The following PCSK5 variants were observed in gnomAD, a reference collection of about 807,000 sequenced individuals.
PCSK5 encodes prohormone convertase 5.
PCSK5 carries 129 observed loss-of-function variants against 233.2 expected under a neutral mutation model. That is an observed-to-expected ratio of 0.55 (90% CI 0.48 to 0.64). The LOEUF (loss-of-function observed/expected upper bound fraction) is 0.64. Among genes scored for constraint, PCSK5 ranks in the 30% least tolerant of loss-of-function variants. The probability of loss-of-function intolerance (pLI) is 0.00; values close to 1 mark genes in which losing one functional copy is unlikely to be tolerated. For missense variants in PCSK5, 2,076 were observed against 2,430.1 expected, an observed-to-expected ratio of 0.85 and a Z score of 3.06; for synonymous variants, 825 against 879.2, an observed-to-expected ratio of 0.94 and a Z score of 1.09.
intron 21 of PCSK5, 50 bp downstream of exon 21, chr9:76,227,655 G>T: frequency 1.7e-6 from 2 of 1,196,188 alleles, no homozygotes; most frequent in Non-Finnish European, 2.5e-6. Flanking sequence ...TGGATTGCAG[G>T]GTGGAGAGAG....
intron 20 of PCSK5, among the ~76,000 whole-genome samples, chr9:76,216,371 T>A (rs1319882116): frequency 6.6e-6 from 1 of 152,196 alleles, no homozygotes; most frequent in Non-Finnish European, 1.5e-5. Context: ...AAGCATCCTC[T>A]CATGATGTTA....
intron 11 of PCSK5, among the ~76,000 whole-genome samples, 158 bp downstream of exon 11, chr9:76,157,320 A>G (rs1013584790): frequency 6.6e-6 from 1 of 152,140 alleles, no homozygotes; most frequent in African/African-American, 2.4e-5. Context: ...TAGGATTCTG[A>G]GCGGTTAAAT....
At chr9:76,142,540 A>G (rs1166585850) in intron 10 of PCSK5, among the ~76,000 whole-genome samples, 1 of 152,176 alleles carries the variant, frequency 6.6e-6, no homozygotes, top group Non-Finnish European at 1.5e-5. Context: ...GGAAAATTGT[A>G]TCATATAAAG....
chr9:75,909,554 G>C (rs1822631860), intron 1 of PCSK5, among the ~76,000 whole-genome samples: 1 of 152,032 alleles, frequency 6.6e-6, no homozygotes, highest in Admixed American at 6.5e-5. Context: ...AATTATCCAG[G>C]TGTGGTGGTG....
At chr9:76,067,584 T>A (rs1830329409) in intron 5 of PCSK5, among the ~76,000 whole-genome samples, 1 of 152,144 alleles carries the variant, frequency 6.6e-6, no homozygotes, top group African/African-American at 2.4e-5. Flanking sequence ...TAAGCTTAAA[T>A]AAAAAATTGA....
At chr9:76,257,190 C>T (rs1290695906) in intron 24 of PCSK5, among the ~76,000 whole-genome samples, 3 of 152,124 alleles carry the variant, frequency 2.0e-5, no homozygotes, top group Non-Finnish European at 4.4e-5. Flanking sequence ...ACTTCTGTGC[C>T]TGTTATTATC....
At chr9:76,088,678 A>G (rs116661899) in intron 7 of PCSK5, among the ~76,000 whole-genome samples, 2,082 of 152,316 alleles carry the variant, frequency 0.014, 51 homozygotes, top group African/African-American at 0.048. Flanking sequence ...ACTGATTGAA[A>G]AAACAAGTCT....
At chr9:75,891,563 A>ACC (rs199501448) in intron 1 of PCSK5, among the ~76,000 whole-genome samples, 190 bp downstream of exon 1, 2 of 121,372 alleles carry the variant, frequency 1.6e-5, no homozygotes, top group African/African-American at 6.3e-5. Context: ...ACACACACAC[A>ACC]CCCCAGAGTT....
At chr9:75,984,423 A>T (rs1351084934) in intron 2 of PCSK5, among the ~76,000 whole-genome samples, 1 of 152,206 alleles carries the variant, frequency 6.6e-6, no homozygotes, top group Non-Finnish European at 1.5e-5. Flanking sequence ...TGAATGCTTC[A>T]TTAGGAAAGG....
chr9:76,279,390 T>C (rs1026577715), intron 24 of PCSK5, among the ~76,000 whole-genome samples: 1 of 150,598 alleles, frequency 6.6e-6, no homozygotes, highest in Non-Finnish European at 1.5e-5. Context: ...CATGTGTCTT[T>C]ACAGCAGCAT....
chr9:75,902,214 TAAAAAAAAAAAAAAAAA>T (rs200579439), intron 1 of PCSK5, among the ~76,000 whole-genome samples: 6 of 53,300 alleles, frequency 1.1e-4, no homozygotes, highest in East Asian at 7.5e-4. Context: ...AGACACCATC[TAAAAAAAAAAAAAAAAA>T]AAAAAAAAAA....
intron 15 of PCSK5, among the ~76,000 whole-genome samples, chr9:76,180,337 C>T (rs1587725382): frequency 6.6e-6 from 1 of 152,076 alleles, no homozygotes; most frequent in Non-Finnish European, 1.5e-5. Context: ...GTCCTTTCCA[C>T]CCCACTGATG....
chr9:75,914,887 T>G (rs2131240688), intron 1 of PCSK5, among the ~76,000 whole-genome samples: 1 of 152,298 alleles, frequency 6.6e-6, no homozygotes, highest in African/African-American at 2.4e-5. Flanking sequence ...TTTCCCCTAC[T>G]TCTGTGAAAA....
chr9:76,105,698 A>C (rs541207014), intron 8 of PCSK5, among the ~76,000 whole-genome samples: 1 of 152,316 alleles, frequency 6.6e-6, no homozygotes, highest in African/African-American at 2.4e-5. Context: ...TCATTCATTC[A>C]GGAAAACGTA....
intron 5 of PCSK5, among the ~76,000 whole-genome samples, chr9:76,055,158 C>T (rs1052351463): frequency 6.6e-6 from 1 of 152,050 alleles, no homozygotes; most frequent in Non-Finnish European, 1.5e-5. Context: ...TTTAAAAGTT[C>T]ATGCTTAAGA....
chr9:76,175,120 G>A lies in PCSK5; in HGVS notation c.1891G>A (p.Asp631Asn), dbSNP rs759423231. ...CCCCACAGACGACTATGGCACAGAG[G>A]ATTATGCAGGTGAGCTGGCTTCCAG... ...EDPTDDYGTE[D>N]YAGPCDPECS... The change falls in exon 14 of 38, where the codon GAT becomes AAT. Residue 631 changes from aspartate (D) to asparagine (N), a missense_variant. Coordinates refer to ENST00000674117, the MANE Select transcript of PCSK5 (RefSeq NM_001372043.1). The A allele has an allele frequency of 6.2e-7, 1 of 1,613,938 alleles. No homozygotes were observed. Among genetic ancestry groups the A allele is most frequent in the Admixed American group, 1.7e-5 (1 of 59,992 alleles).
chr9:75,923,586 CT>C, intron 1 of PCSK5, among the ~76,000 whole-genome samples: 1 of 152,266 alleles, frequency 6.6e-6, no homozygotes, highest in East Asian at 1.9e-4. Flanking sequence ...TTCAAATAGT[CT>C]TTCTAGTTTA....
At chr9:76,210,370 A>G (rs1470117505) in intron 20 of PCSK5, among the ~76,000 whole-genome samples, 2 of 152,186 alleles carry the variant, frequency 1.3e-5, no homozygotes, top group Non-Finnish European at 2.9e-5. Context: ...TTGGTTGAGG[A>G]CAACTCCCGG....
intron 3 of PCSK5, among the ~76,000 whole-genome samples, chr9:76,002,956 G>A (rs552779734): frequency 1.3e-5 from 2 of 152,282 alleles, no homozygotes; most frequent in South Asian, 2.1e-4. Context: ...TTGGTATGCC[G>A]AGAAAAATTC....
Sources: gnomAD v4.1 joint callset for allele counts (sites outside exome capture counted in the v4.1 genomes callset) on GRCh38, gnomAD v4.1.1 for gene constraint, MANE v1.5 for transcripts, NCBI Gene and HGNC (gene_info 2026-07-23, HGNC 2026-07-21) for gene names.